Variants in FBXL17 observed in about 807,000 individuals in gnomAD.
FBXL17 encodes F-box and leucine rich repeat protein 17, also known as F-box/LRR-repeat protein 17.
A neutral mutation model predicts 66.2 loss-of-function variants in FBXL17; 22 were observed. The observed-to-expected ratio is 0.33, with a 90% CI of 0.24 to 0.47. The LOEUF is 0.47. Ranked by LOEUF, FBXL17 falls within the 20% of genes least tolerant of loss-of-function variation. The pLI is 1.00. For missense variants in FBXL17, 878 were observed against 948.2 expected, an observed-to-expected ratio of 0.93 and a Z score of 0.97; for synonymous variants, 474 against 400.5, an observed-to-expected ratio of 1.18 and a Z score of -2.19.
chr5:108,199,247 C>T (rs1377604418), intron 5 of FBXL17, among the ~76,000 whole-genome samples: 1 of 152,100 alleles, frequency 6.6e-6, no homozygotes, highest in African/African-American at 2.4e-5. Flanking sequence ...CAAGTACAGA[C>T]AGGATAACAT....
At chr5:108,353,925 T>A (rs1747799004) in intron 3 of FBXL17, among the ~76,000 whole-genome samples, 1 of 152,226 alleles carries the variant, frequency 6.6e-6, no homozygotes, top group Admixed American at 6.5e-5. Flanking sequence ...AGGTTGCGTA[T>A]CCCTTATCCA....
intron 1 of FBXL17, among the ~76,000 whole-genome samples, chr5:108,368,375 G>A (rs1052526222): frequency 2.0e-5 from 3 of 151,918 alleles, no homozygotes; most frequent in Non-Finnish European, 4.4e-5. Context: ...TTGGAGCCAC[G>A]TGAACTTTTC....
intron 4 of FBXL17, among the ~76,000 whole-genome samples, chr5:108,273,805 T>C (rs1283989819): frequency 3.3e-5 from 5 of 152,032 alleles, no homozygotes; most frequent in African/African-American, 1.2e-4. Context: ...ATGAATTAAA[T>C]AGACACATAG....
At chr5:108,022,574 A>G (rs573096644) in intron 6 of FBXL17, among the ~76,000 whole-genome samples, 1 of 152,140 alleles carries the variant, frequency 6.6e-6, no homozygotes, top group South Asian at 2.1e-4. Context: ...AACACATCCA[A>G]TATTTTGTGT....
chr5:108,184,169 C>T (rs1753126632), intron 6 of FBXL17, among the ~76,000 whole-genome samples: 1 of 152,074 alleles, frequency 6.6e-6, no homozygotes, highest in South Asian at 2.1e-4. Flanking sequence ...GCCTATAATC[C>T]CAGCACTTTG....
chr5:107,919,249 C>A (rs956792101), intron 7 of FBXL17, among the ~76,000 whole-genome samples: 1 of 152,126 alleles, frequency 6.6e-6, no homozygotes, highest in Non-Finnish European at 1.5e-5. Flanking sequence ...TGCTCTTACA[C>A]CCATATTTGA....
intron 4 of FBXL17, among the ~76,000 whole-genome samples, chr5:108,272,441 C>A (rs1757315993): frequency 6.6e-6 from 1 of 151,780 alleles, no homozygotes; most frequent in South Asian, 2.1e-4. Flanking sequence ...GTAGCCACCA[C>A]CTTCCAGGTT....
At position 107,861,668 on chromosome 5, in the gene FBXL17, A is replaced by C. The variant is rs1050647357; in HGVS notation, c.*52T>G. The C allele has an allele frequency of 8.2e-6, 12 of 1,457,724 alleles. 1 individual carries two copies. In the South Asian group the frequency reaches 1.8e-4, roughly 22 times the overall value. The allele number at this position is 1,457,724 out of a possible 1,614,324, so 90.3% of individuals were successfully genotyped here. A position where few individuals can be genotyped will look rare whatever the true frequency, so the allele number is the denominator to read the frequency against. ...GAGAGATCAGCTCCCCAAATGTACA[A>C]TTCTCCTCTGCTCTGCTGAATGATC... is the stretch of plus-strand genomic sequence containing the variant. On this transcript the variant is annotated 3_prime_UTR_variant, in exon 9 of 9. Coordinates refer to ENST00000542267, the MANE Select transcript of FBXL17 (RefSeq NM_001163315.3).
intron 6 of FBXL17, among the ~76,000 whole-genome samples, chr5:108,160,865 T>A (rs1344228720): frequency 6.6e-6 from 1 of 152,120 alleles, no homozygotes; most frequent in Non-Finnish European, 1.5e-5. Context: ...GACAAGGGCC[T>A]TATTGGAAAG....
At chr5:108,363,326 G>A (rs182767906) in intron 3 of FBXL17, among the ~76,000 whole-genome samples, 72 of 152,018 alleles carry the variant, frequency 4.7e-4, no homozygotes, top group African/African-American at 1.6e-3. Context: ...TCAGAGGAAA[G>A]AGTCTATTAT....
intron 4 of FBXL17, among the ~76,000 whole-genome samples, chr5:108,308,303 T>C (rs567374251): frequency 1.3e-5 from 2 of 152,194 alleles, no homozygotes; most frequent in East Asian, 1.9e-4. Flanking sequence ...CTAGAATGTA[T>C]AGGCATTATA....
intron 3 of FBXL17, among the ~76,000 whole-genome samples, chr5:108,355,527 C>A (rs529919227): frequency 6.6e-6 from 1 of 152,056 alleles, no homozygotes; most frequent in Admixed American, 6.6e-5. Context: ...AGGTAAGCCA[C>A]CTGCCTCAGC....
chr5:107,997,411 C>G (rs1753521842), intron 7 of FBXL17, among the ~76,000 whole-genome samples: 1 of 152,126 alleles, frequency 6.6e-6, no homozygotes, highest in African/African-American at 2.4e-5. Flanking sequence ...ACAGCAAAGT[C>G]CACAATTCAG....
intron 4 of FBXL17, among the ~76,000 whole-genome samples, chr5:108,269,064 TAAAGGTTGGTTTCATAAGGTTGTTTGTAC>T (rs1757159975): frequency 6.6e-6 from 1 of 152,046 alleles, no homozygotes; most frequent in Admixed American, 6.5e-5. Context: ...ACCAGGAAGA[TAAAGGTTGGTTTCATAAGGTTGTTTGTAC>T]AAATTCCCCT....
At chr5:108,038,347 T>C (rs924915179) in intron 6 of FBXL17, among the ~76,000 whole-genome samples, 19 of 152,098 alleles carry the variant, frequency 1.2e-4, no homozygotes, top group African/African-American at 4.6e-4. Context: ...AACTGAAGCA[T>C]TTATACATGA....
chr5:108,044,572 G>A (rs143813383), intron 6 of FBXL17, among the ~76,000 whole-genome samples: 1 of 152,022 alleles, frequency 6.6e-6, no homozygotes. Flanking sequence ...GATTCATTGG[G>A]AACACTGTTC....
At chr5:108,194,340 T>C (rs1393923529) in intron 5 of FBXL17, among the ~76,000 whole-genome samples, 2 of 152,184 alleles carry the variant, frequency 1.3e-5, no homozygotes, top group East Asian at 3.9e-4. Context: ...AAATCTCATC[T>C]TCTCCACAAA....
intron 3 of FBXL17, among the ~76,000 whole-genome samples, chr5:108,354,154 A>C (rs1747812498): frequency 6.6e-6 from 1 of 152,198 alleles, no homozygotes; most frequent in African/African-American, 2.4e-5. Flanking sequence ...CAACCTGTGC[A>C]TCGTGTCCAC....
chr5:108,239,908 C>T (rs747424837), intron 4 of FBXL17, among the ~76,000 whole-genome samples: 8 of 151,930 alleles, frequency 5.3e-5, no homozygotes, highest in East Asian at 1.9e-4. Flanking sequence ...TCCTGAGGCC[C>T]GTATTCCAGG....
Sources: allele counts gnomAD v4.1 joint callset (sites outside exome capture counted in the v4.1 genomes callset), GRCh38; gene constraint gnomAD v4.1.1; transcripts MANE v1.5; gene names NCBI Gene and HGNC (gene_info 2026-07-23, HGNC 2026-07-21).